SMU1: variants seen among roughly 807,000 people sequenced by gnomAD.
The protein encoded by SMU1 is WD40 repeat-containing protein SMU1.
A neutral mutation model predicts 62.0 loss-of-function variants in SMU1; 2 were observed. That is an observed-to-expected ratio of 0.03 (90% CI 0.01 to 0.10). The LOEUF (loss-of-function observed/expected upper bound fraction) is 0.10. SMU1 is among the 10% of genes least tolerant of loss of function. SMU1 has a pLI of 1.00. For synonymous variants in SMU1, 188 were observed against 212.4 expected (o/e 0.89, Z 1.00); for missense variants, 227 against 622.1 (o/e 0.36, Z 6.76).
rs139875289 is a variant in SMU1 at position 33,047,583 on chromosome 9, C to T, written c.1444-192G>A. ...ACATAATAATAAACTTTAGGCTGGG[C>T]GCAGTGGCTCATGTCTGCAATCCCA... On this transcript the variant is annotated intron_variant, in intron 11 of 11. Transcript: ENST00000397149. Among the ~76,000 whole-genome samples the T allele has an allele frequency of 1.2e-3, 181 of 152,228 alleles. 3 individuals carry two copies. Among genetic ancestry groups the T allele is most frequent in the African/African-American group, 4.0e-3 (165 of 41,548 alleles).
At chr9:33,076,558 C>T (rs367840291) in intron 1 of SMU1, 25 bp downstream of exon 1, 2 of 1,613,532 alleles carry the variant, frequency 1.2e-6, no homozygotes, top group African/African-American at 1.3e-5. Flanking sequence ...CGGCAAGGCG[C>T]GAACATCCCC....
intron 6 of SMU1, 39 bp from the exon 7 acceptor site, chr9:33,057,753 A>G: frequency 6.2e-7 from 1 of 1,610,568 alleles, no homozygotes; most frequent in Non-Finnish European, 8.5e-7. Flanking sequence ...AAATAACACA[A>G]AGCCAAGACC....
chr9:33,062,571 T>C (rs1587710224), intron 4 of SMU1, among the ~76,000 whole-genome samples: 1 of 152,208 alleles, frequency 6.6e-6, no homozygotes, highest in Non-Finnish European at 1.5e-5. Context: ...GTTGTAATTA[T>C]ACTATATGTA....
rs1839169615 is a variant in SMU1 at position 33,045,039 on chromosome 9, T to C, written c.*2254A>G. The C allele has an allele frequency of 1.3e-5, 2 of 152,162 alleles. No individual in the cohort carries two copies. Among genetic ancestry groups the C allele is most frequent in the South Asian group, 4.1e-4 (2 of 4,826 alleles). 9.4% of individuals were successfully genotyped at this position (152,162 alleles called of 1,614,324 possible). On this transcript the variant is annotated 3_prime_UTR_variant, in exon 12 of 12. Transcript: ENST00000397149. ...TTCCCTATGTTTAGGCAGAAACGAGTCTTTTTTTAACCATATTCATCACCT... is the reference window on the plus strand; with the variant it reads ...TTCCCTATGTTTAGGCAGAAACGAGCCTTTTTTTAACCATATTCATCACCT...
rs1839337948 is a variant in SMU1, at chr9:33,059,416, C to T, written c.750+1049G>A. On this transcript the variant is annotated intron_variant, in intron 6 of 11. Transcript: ENST00000397149. The stretch of plus-strand genomic sequence containing the variant: ...CTTTTTGTTTTTTTGAACTTTGTAT[C>T]AGTTGTACATATAACCCCTTGAAAA... Among the ~76,000 whole-genome samples, 4 of 151,214 alleles carry T rather than the reference C, an allele frequency of 2.6e-5. No homozygotes were observed. The South Asian group carries it at 8.4e-4, about 32-fold the overall frequency.
At chr9:33,061,939 G>T in intron 5 of SMU1, 110 bp downstream of exon 5, 1 of 1,179,232 alleles carries the variant, frequency 8.5e-7, no homozygotes, top group Non-Finnish European at 1.2e-6. Flanking sequence ...CAGAGCTGGA[G>T]AATGAGTTCT....
intron 4 of SMU1, among the ~76,000 whole-genome samples, chr9:33,063,082 C>A (rs1181575068): frequency 1.3e-5 from 2 of 152,142 alleles, no homozygotes; most frequent in Non-Finnish European, 1.5e-5. Context: ...AATTCGGGGG[C>A]CAAGCATGGT....
Position 33,042,564 on chromosome 9 carries a change from C to A in SMU1, c.*4729G>T, listed in dbSNP as rs10971361. 0.32 allele frequency: 48,919 copies of A among 151,998 alleles called. 8,196 individuals carry two copies. The highest frequency in any genetic ancestry group is 0.37 in the Non-Finnish European group (25,073 of 67,984). The allele number at this position is 151,998 out of a possible 1,614,324, so 9.4% of individuals were successfully genotyped here. On this transcript the variant is annotated 3_prime_UTR_variant, in exon 12 of 12. Coordinates refer to ENST00000397149, the MANE Select transcript of SMU1 (RefSeq NM_018225.3). ...TCTGTACGTGAAATTAGCTTCTCAA[C>A]TTTTTTGTACGTACGGTACTGGTTC...
chr9:33,054,286 G>A (rs980242868), intron 9 of SMU1, among the ~76,000 whole-genome samples: 1 of 151,874 alleles, frequency 6.6e-6, no homozygotes, highest in East Asian at 1.9e-4. Context: ...TCTGAGTACG[G>A]GACTACAGGC....
chr9:33,069,409 TTTGTAGGTTTACTCTAACA>T (rs1423206342), intron 3 of SMU1, among the ~76,000 whole-genome samples: 2 of 152,244 alleles, frequency 1.3e-5, no homozygotes, highest in African/African-American at 2.4e-5. Flanking sequence ...CCTCATAGAT[TTTGTAGGTTTACTCTAACA>T]TTCTATTATC....
intron 9 of SMU1, among the ~76,000 whole-genome samples, chr9:33,054,973 C>A (rs149635926): frequency 3.3e-4 from 51 of 152,310 alleles, no homozygotes; most frequent in African/African-American, 1.2e-3. Flanking sequence ...GATAAGCCAT[C>A]TTCCAGTGGC....
At chr9:33,073,019 T>C (rs1839505025) in intron 2 of SMU1, among the ~76,000 whole-genome samples, 1 of 152,126 alleles carries the variant, frequency 6.6e-6, no homozygotes, top group African/African-American at 2.4e-5. Context: ...GTATCTTTGT[T>C]ACTCCTGGGC....
intron 9 of SMU1, 77 bp downstream of exon 9, chr9:33,056,036 A>G: frequency 7.0e-7 from 1 of 1,436,530 alleles, no homozygotes. Context: ...AATCATTCCC[A>G]TTATCACCAC....
Position 33,061,996 on chromosome 9 carries a change from T to C in SMU1, c.630+53A>G, listed in dbSNP as rs1325413290. ...CTGGCACAGGGCCTGGCTGAGCCCATGACAAGTCCTCAACAAATGATTACT... is the reference window on the plus strand; with the variant it reads ...CTGGCACAGGGCCTGGCTGAGCCCACGACAAGTCCTCAACAAATGATTACT... On this transcript the variant is annotated intron_variant, in intron 5 of 11. Coordinates refer to ENST00000397149, the MANE Select transcript of SMU1 (RefSeq NM_018225.3). The C allele has an allele frequency of 4.4e-6, 7 of 1,593,154 alleles. No homozygotes were observed. In the African/African-American group the frequency reaches 5.4e-5, roughly 12 times the overall value.
intron 8 of SMU1, 46 bp downstream of exon 8, chr9:33,056,791 C>T (rs1414646633): frequency 6.3e-7 from 1 of 1,598,608 alleles, no homozygotes; most frequent in Non-Finnish European, 8.5e-7. Flanking sequence ...TCCATGGCCT[C>T]ATTATATCAA....
chr9:33,071,598 T>C, intron 3 of SMU1, 142 bp downstream of exon 3: 2 of 874,994 alleles, frequency 2.3e-6, no homozygotes, highest in Non-Finnish European at 3.4e-6. Context: ...AGCCAACATA[T>C]ATAAACAGAG....
chr9:33,057,555 T>C, intron 7 of SMU1, 43 bp downstream of exon 7: 1 of 1,609,918 alleles, frequency 6.2e-7, no homozygotes, highest in South Asian at 1.1e-5. Context: ...TAGCAGAACA[T>C]TCAAAATGTC....
intron 9 of SMU1, among the ~76,000 whole-genome samples, chr9:33,053,548 T>A (rs1839272290): frequency 6.6e-6 from 1 of 152,226 alleles, no homozygotes; most frequent in Admixed American, 6.5e-5. Context: ...CATAAAATGA[T>A]GTATTTGCAT....
intron 4 of SMU1, among the ~76,000 whole-genome samples, chr9:33,065,687 G>T (rs1356369103): frequency 2.0e-5 from 3 of 152,196 alleles, no homozygotes; most frequent in Non-Finnish European, 4.4e-5. Context: ...CACAAGGCAT[G>T]CTTCAGGGCT....
Sources: allele counts gnomAD v4.1 joint callset (sites outside exome capture counted in the v4.1 genomes callset), GRCh38; gene constraint gnomAD v4.1.1; transcripts MANE v1.5; gene names NCBI Gene and HGNC (gene_info 2026-07-23, HGNC 2026-07-21).